The following SUFU variants were observed in gnomAD, a reference collection of about 807,000 sequenced individuals.
SUFU encodes the protein SUFU negative regulator of hedgehog signaling, also known as suppressor of fused homolog.
A neutral mutation model predicts 58.9 loss-of-function variants in SUFU; 7 were observed. The ratio of observed to expected loss-of-function variants is 0.12; its 90% CI spans 0.07 to 0.22. The LOEUF (loss-of-function observed/expected upper bound fraction) is 0.22. Among genes scored for constraint, SUFU ranks in the 10% least tolerant of loss-of-function variants. The pLI is 1.00. For missense variants in SUFU, 451 were observed against 641.3 expected, an observed-to-expected ratio of 0.70 and a Z score of 3.20; for synonymous variants, 232 against 254.8, an observed-to-expected ratio of 0.91 and a Z score of 0.85.
chr10:102,540,719 T>A (rs1045150045), intron 2 of SUFU, among the ~76,000 whole-genome samples: 53 of 63,662 alleles, frequency 8.3e-4, no homozygotes, highest in African/African-American at 3.2e-3. Flanking sequence ...GCCTTTAAAA[T>A]ATATATATAT....
intron 3 of SUFU, among the ~76,000 whole-genome samples, chr10:102,571,516 A>ACAAACAAT (rs2063160303): frequency 6.6e-6 from 1 of 151,072 alleles, no homozygotes. Flanking sequence ...AAACAAACAA[A>ACAAACAAT]CAAAACAAAC....
chr10:102,517,295 A>T (rs1306794145), intron 2 of SUFU, among the ~76,000 whole-genome samples: 1 of 152,066 alleles, frequency 6.6e-6, no homozygotes, highest in Non-Finnish European at 1.5e-5. Context: ...CCAAAAAAAC[A>T]AAACAAAGCA....
chr10:102,589,526 A>G (rs1489785771), intron 3 of SUFU, among the ~76,000 whole-genome samples: 1 of 129,962 alleles, frequency 7.7e-6, no homozygotes, highest in East Asian at 2.3e-4. Flanking sequence ...GCTCACTGCA[A>G]CCTCTGCCTC....
At chr10:102,621,916 C>T (rs1204625477) in intron 10 of SUFU, among the ~76,000 whole-genome samples, 1 of 152,260 alleles carries the variant, frequency 6.6e-6, no homozygotes, top group Non-Finnish European at 1.5e-5. Flanking sequence ...AGCAGCTGGG[C>T]CCCTGCCTGC....
intron 3 of SUFU, among the ~76,000 whole-genome samples, chr10:102,586,753 A>G (rs1401507916): frequency 2.0e-5 from 3 of 152,248 alleles, no homozygotes; most frequent in Non-Finnish European, 4.4e-5. Context: ...GTTCTGTGAC[A>G]TTATTAAGTA....
At chr10:102,626,805 A>C (rs1435867201) in intron 10 of SUFU, among the ~76,000 whole-genome samples, 2 of 152,036 alleles carry the variant, frequency 1.3e-5, no homozygotes, top group African/African-American at 2.4e-5. Context: ...AGCAGCTTTA[A>C]TTTAATTTTT....
intron 7 of SUFU, among the ~76,000 whole-genome samples, chr10:102,598,457 A>C (rs1341110858): frequency 6.6e-6 from 1 of 152,142 alleles, no homozygotes; most frequent in African/African-American, 2.4e-5. Context: ...CACCCGGCCA[A>C]GCCCTTTCTT....
chr10:102,558,870 G>A (rs1477169528), intron 3 of SUFU, among the ~76,000 whole-genome samples: 1 of 152,226 alleles, frequency 6.6e-6, no homozygotes, highest in Non-Finnish European at 1.5e-5. Context: ...TGTCTTGTAT[G>A]TGTTGGGATG....
chr10:102,573,029 G>C, intron 3 of SUFU: 1 of 1,043,292 alleles, frequency 9.6e-7, no homozygotes, highest in Non-Finnish European at 1.5e-6. Flanking sequence ...TTGTTCTCCG[G>C]GGTTGGTCTT....
At chr10:102,560,385 C>T (rs2135770814) in intron 3 of SUFU, among the ~76,000 whole-genome samples, 1 of 152,082 alleles carries the variant, frequency 6.6e-6, no homozygotes, top group Non-Finnish European at 1.5e-5. Context: ...GCCTGGCCAA[C>T]ATGATGAAAC....
intron 2 of SUFU, among the ~76,000 whole-genome samples, chr10:102,542,430 C>CTATATA (rs201306136): frequency 1.0e-4 from 14 of 137,382 alleles, no homozygotes; most frequent in African/African-American, 3.7e-4. Context: ...TGCGCCCGGC[C>CTATATA]TATATATATA....
chr10:102,630,326 C>G lies in SUFU; in HGVS notation c.*171C>G. 1 of 659,888 alleles carries G rather than the reference C, an allele frequency of 1.5e-6. No individual in the cohort carries two copies. Among genetic ancestry groups the G allele is most frequent in the South Asian group, 1.7e-5 (1 of 57,912 alleles). The allele number at this position is 659,888 out of a possible 1,614,324, so 40.9% of individuals were successfully genotyped here. The stretch of plus-strand genomic sequence containing the variant: ...TGCCATGCACAGGCCACAGGCCCTC[C>G]ACCTCACCTCCAGCTCAGGGGCCGC... On this transcript the variant is annotated 3_prime_UTR_variant, in exon 12 of 12. Transcript: ENST00000369902.
At chr10:102,610,796 C>A (rs1279637671) in intron 8 of SUFU, among the ~76,000 whole-genome samples, 1 of 152,352 alleles carries the variant, frequency 6.6e-6, no homozygotes, top group South Asian at 2.1e-4. Flanking sequence ...TGCCGGAACA[C>A]TAGCCAGATA....
chr10:102,554,974 CTT>C (rs1244218624), intron 3 of SUFU, among the ~76,000 whole-genome samples: 2 of 152,070 alleles, frequency 1.3e-5, no homozygotes, highest in Admixed American at 1.3e-4. Flanking sequence ...TCTTTAAAAA[CTT>C]TATATGGATT....
At chr10:102,555,438 A>T (rs530342548) in intron 3 of SUFU, among the ~76,000 whole-genome samples, 1 of 151,406 alleles carries the variant, frequency 6.6e-6, no homozygotes, top group South Asian at 2.1e-4. Flanking sequence ...TGACATTTGG[A>T]GGCATTATCT....
At chr10:102,518,075 A>T in intron 2 of SUFU, among the ~76,000 whole-genome samples, 1 of 152,208 alleles carries the variant, frequency 6.6e-6, no homozygotes. Flanking sequence ...TCATCCTGTG[A>T]TCTTCAGTGT....
intron 3 of SUFU, chr10:102,573,213 C>T (rs2135808413): frequency 1.4e-6 from 1 of 734,426 alleles, no homozygotes; most frequent in Non-Finnish European, 2.5e-6. Flanking sequence ...TCCTTCTTTG[C>T]TTTCGGCACC....
rs2063426781 is a variant in SUFU at position 102,593,565 on chromosome 10, C to T, written c.598-71C>T. On this transcript the variant is annotated intron_variant, in intron 4 of 11. Coordinates refer to ENST00000369902, the MANE Select transcript of SUFU (RefSeq NM_016169.4). ...CCCAACTGGAGGTGACTCAGAGAGC[C>T]TGGGTAGCTGACCTTCTTGGGGTGG... 3.3e-6 allele frequency: 5 copies of T among 1,507,958 alleles called. No homozygotes were observed. In the African/African-American group the frequency reaches 5.5e-5, roughly 17 times the overall value. The allele number at this position is 1,507,958 out of a possible 1,614,324, so 93.4% of individuals were successfully genotyped here.
intron 3 of SUFU, chr10:102,573,028 G>A (rs1191389111): frequency 7.6e-6 from 8 of 1,049,370 alleles, no homozygotes; most frequent in African/African-American, 4.7e-5. Context: ...CTTGTTCTCC[G>A]GGGTTGGTCT....
Sources: gnomAD v4.1 joint callset for allele counts (sites outside exome capture counted in the v4.1 genomes callset) on GRCh38, gnomAD v4.1.1 for gene constraint, MANE v1.5 for transcripts, NCBI Gene and HGNC (gene_info 2026-07-23, HGNC 2026-07-21) for gene names.